The following POFUT3 variants were observed in gnomAD, a reference collection of about 807,000 sequenced individuals.
The protein encoded by POFUT3 is GDP-fucose protein O-fucosyltransferase 3.
At chr8:33,353,611 C>T in the POFUT3 span, among the ~76,000 whole-genome samples, 1 of 152,140 alleles carries the variant, frequency 6.6e-6, no homozygotes, top group Admixed American at 6.5e-5. Flanking sequence ...GCAACTTCAA[C>T]AGAGCCCCTG....
chr8:33,417,046 A>G, the POFUT3 span, among the ~76,000 whole-genome samples: 1 of 152,112 alleles, frequency 6.6e-6, no homozygotes, highest in African/African-American at 2.4e-5. Flanking sequence ...TGAGAGAAAC[A>G]TCATCTGTAT....
the POFUT3 span, among the ~76,000 whole-genome samples, chr8:33,402,628 G>A: frequency 6.6e-6 from 1 of 152,218 alleles, no homozygotes; most frequent in East Asian, 1.9e-4. Flanking sequence ...GTAATACAAT[G>A]TATAAATTGT....
the POFUT3 span, among the ~76,000 whole-genome samples, chr8:33,432,255 C>T: frequency 1.3e-5 from 2 of 151,944 alleles, no homozygotes; most frequent in East Asian, 3.9e-4. Flanking sequence ...ACTAAAAACA[C>T]AAAAATTAGC....
At chr8:33,448,880 G>C in the POFUT3 span, among the ~76,000 whole-genome samples, 1 of 152,100 alleles carries the variant, frequency 6.6e-6, no homozygotes. Flanking sequence ...GTTTCAGTGA[G>C]CTGAGATCAT....
the POFUT3 span, among the ~76,000 whole-genome samples, chr8:33,341,598 C>T: frequency 6.6e-6 from 1 of 151,590 alleles, no homozygotes; most frequent in Non-Finnish European, 1.5e-5. Context: ...GAATTTATAG[C>T]ACTAAATGTA....
the POFUT3 span, among the ~76,000 whole-genome samples, chr8:33,347,668 T>C: frequency 6.6e-6 from 1 of 152,226 alleles, no homozygotes; most frequent in Admixed American, 6.5e-5. Context: ...TGCCGGGCAC[T>C]GAGCTAGGCA....
chr8:33,461,365 T>C, the POFUT3 span: 1 of 1,603,468 alleles, frequency 6.2e-7, no homozygotes, highest in Non-Finnish European at 8.5e-7. Context: ...ACCCACATTC[T>C]TGGTACCTGG....
At chr8:33,318,477 TA>T in the POFUT3 span, among the ~76,000 whole-genome samples, 3 of 132,046 alleles carry the variant, frequency 2.3e-5, no homozygotes, top group Non-Finnish European at 4.6e-5. Context: ...TATATTATTA[TA>T]ATATATAATG....
the POFUT3 span, among the ~76,000 whole-genome samples, chr8:33,414,146 C>G: frequency 6.6e-6 from 1 of 152,012 alleles, no homozygotes; most frequent in Non-Finnish European, 1.5e-5. Context: ...ATTGAATAAC[C>G]AGGAAAGATT....
At chr8:33,338,622 C>T in the POFUT3 span, among the ~76,000 whole-genome samples, 1 of 152,064 alleles carries the variant, frequency 6.6e-6, no homozygotes, top group African/African-American at 2.4e-5. Context: ...TCACCATTGC[C>T]CAGCAGCAAT....
the POFUT3 span, among the ~76,000 whole-genome samples, chr8:33,412,150 G>A: frequency 3.3e-5 from 5 of 152,120 alleles, no homozygotes; most frequent in Non-Finnish European, 7.4e-5. Context: ...CTAAAGAACT[G>A]GGACGGAAAA....
At chr8:33,456,434 T>A in the POFUT3 span, among the ~76,000 whole-genome samples, 2 of 152,284 alleles carry the variant, frequency 1.3e-5, no homozygotes, top group Non-Finnish European at 2.9e-5. Flanking sequence ...CTCAGCCTAC[T>A]GCAGCCTCCT....
the POFUT3 span, among the ~76,000 whole-genome samples, chr8:33,309,199 T>TAC: frequency 3.2e-3 from 288 of 89,832 alleles, 6 homozygotes; most frequent in African/African-American, 0.013. Context: ...TATATATATA[T>TAC]ACACACACAT....
the POFUT3 span, among the ~76,000 whole-genome samples, chr8:33,415,339 C>T: frequency 6.6e-6 from 1 of 152,034 alleles, no homozygotes; most frequent in Non-Finnish European, 1.5e-5. Context: ...AGATGAGGGA[C>T]TTAAATTCCT....
chr8:33,341,108 G>C, the POFUT3 span, among the ~76,000 whole-genome samples: 2 of 152,014 alleles, frequency 1.3e-5, no homozygotes, highest in Non-Finnish European at 2.9e-5. Flanking sequence ...GACCACAATG[G>C]AATCAAACTG....
chr8:33,372,478 G>A, the POFUT3 span: 2 of 1,470,038 alleles, frequency 1.4e-6, no homozygotes, highest in South Asian at 2.9e-5. Flanking sequence ...TATCCTGATG[G>A]ATAGTCAACA....
At chr8:33,343,852 T>C in the POFUT3 span, among the ~76,000 whole-genome samples, 2 of 152,216 alleles carry the variant, frequency 1.3e-5, no homozygotes, top group African/African-American at 2.4e-5. Flanking sequence ...AAGGATATCT[T>C]GTCTTATTTT....
At chr8:33,446,711 G>A in the POFUT3 span, among the ~76,000 whole-genome samples, 1 of 152,142 alleles carries the variant, frequency 6.6e-6, no homozygotes, top group African/African-American at 2.4e-5. Flanking sequence ...ATAAACATCA[G>A]TACTCCTGTT....
the POFUT3 span, among the ~76,000 whole-genome samples, chr8:33,451,032 A>C: frequency 6.7e-6 from 1 of 149,498 alleles, no homozygotes; most frequent in African/African-American, 2.4e-5. Flanking sequence ...GAGAGGAGCA[A>C]AAAAAAAAAG....
Sources: gnomAD v4.1 joint callset for allele counts (sites outside exome capture counted in the v4.1 genomes callset) on GRCh38, gnomAD v4.1.1 for gene constraint, MANE v1.5 for transcripts, NCBI Gene and HGNC (gene_info 2026-07-23, HGNC 2026-07-21) for gene names.